Variants in RAI1 observed in about 807,000 individuals in gnomAD.
RAI1 encodes retinoic acid induced 1.
Under a neutral mutation model 123.8 loss-of-function variants are expected in RAI1, and 9 were observed. The ratio of observed to expected loss-of-function variants is 0.07; its 90% confidence interval spans 0.04 to 0.13. The LOEUF (loss-of-function observed/expected upper bound fraction) is 0.13, where lower values mean the gene tolerates loss of function less well. Ranked by LOEUF, RAI1 falls within the 10% of genes least tolerant of loss-of-function variation. RAI1 has a pLI of 1.00. For missense variants in RAI1, 2,256 were observed against 2,545.8 expected (o/e 0.89, Z 2.45); for synonymous variants, 1,231 against 1,127.3 (o/e 1.09, Z -1.84).
chr17:17,783,972 CCT>C (rs955743448), intron 2 of RAI1, among the ~76,000 whole-genome samples: 5 of 152,232 alleles, frequency 3.3e-5, no homozygotes, highest in Admixed American at 2.6e-4. Context: ...GCAATTTCCT[CCT>C]CTCTCTCTCC....
chr17:17,786,089 CGCTGGTGCTGAGAGGG>C (rs2031816760), intron 2 of RAI1, among the ~76,000 whole-genome samples: 1 of 152,150 alleles, frequency 6.6e-6, no homozygotes, highest in African/African-American at 2.4e-5. Flanking sequence ...GGCCGCAGTC[CGCTGGTGCTGAGAGGG>C]GCTGCTGCTG....
intron 4 of RAI1, among the ~76,000 whole-genome samples, chr17:17,805,688 G>A (rs1158585215): frequency 6.6e-6 from 1 of 152,208 alleles, no homozygotes; most frequent in Non-Finnish European, 1.5e-5. Context: ...CAGGGGCTGA[G>A]CTGCCGGGAC....
chr17:17,770,058 C>A (rs529668548), intron 2 of RAI1, among the ~76,000 whole-genome samples: 1 of 151,988 alleles, frequency 6.6e-6, no homozygotes, highest in South Asian at 2.1e-4. Flanking sequence ...GGCAGGGTCT[C>A]CCCTGGAACC....
chr17:17,742,550 A>G (rs1014562189), intron 2 of RAI1, among the ~76,000 whole-genome samples: 2 of 152,216 alleles, frequency 1.3e-5, no homozygotes, highest in Non-Finnish European at 2.9e-5. Context: ...AAGCTCTGGC[A>G]CTGAATTCAC....
At chr17:17,684,570 A>G (rs764882261) in intron 1 of RAI1, 2 of 151,692 alleles carry the variant, frequency 1.3e-5, no homozygotes, top group Non-Finnish European at 2.9e-5. Flanking sequence ...AGCCAGAAAT[A>G]TATGTAGTAA....
chr17:17,797,014 C>T lies in RAI1; in HGVS notation c.4066C>T (p.Pro1356Ser). Residue 1356 changes from proline to serine, a missense_variant, in exon 3 of 6, where the codon CCT (proline) becomes TCT (serine). By Grantham distance (74) the Pro-to-Ser change is moderately conservative. Around this residue, in one of 7 missense-constraint regions of RAI1, gnomAD observed 322 missense variants for 358.0 expected, o/e 0.90. Coordinates refer to ENST00000353383, the MANE Select transcript of RAI1 (RefSeq NM_030665.4). ...AGCGCCAGGGGCCTCTCCTGGTAAT[C>T]CTCTGAGCCCATCCCTTTCCGACAA... is the stretch of plus-strand genomic sequence containing the variant. The part of the protein sequence containing the change: ...CKAPGASPGN[P>S]LSPSLSDKDR... 6.2e-7 allele frequency: 1 copy of T among 1,613,898 alleles called. No homozygotes were observed. Among genetic ancestry groups the T allele is most frequent in the Non-Finnish European group, 8.5e-7 (1 of 1,180,042 alleles).
intron 2 of RAI1, among the ~76,000 whole-genome samples, chr17:17,774,779 G>T (rs2031278945): frequency 6.6e-6 from 1 of 152,244 alleles, no homozygotes; most frequent in Non-Finnish European, 1.5e-5. Context: ...CCTCTGCCCA[G>T]CATTGGTCTG....
At position 17,796,867 on chromosome 17, in the gene RAI1, C is replaced by T. The variant is rs367703186; in HGVS notation, c.3919C>T (p.Arg1307Trp). 3 of 1,613,118 alleles carry T rather than the reference C, an allele frequency of 1.9e-6. No homozygotes were observed. The highest frequency in any genetic ancestry group is 2.5e-6 in the Non-Finnish European group (3 of 1,179,912). The change falls in exon 3 of 6, where the codon CGG (arginine) becomes TGG (tryptophan). Residue 1307 changes from arginine (R) to tryptophan (W), a missense_variant. Arg to Trp is a moderately radical substitution (Grantham distance 101). Around this residue, in one of 7 missense-constraint regions of RAI1, gnomAD observed 322 missense variants for 358.0 expected, o/e 0.90. Coordinates refer to ENST00000353383, the MANE Select transcript of RAI1 (RefSeq NM_030665.4). The surrounding 1 kb of genome is among the most constrained non-coding windows in gnomAD (Gnocchi z 5.8). ...TPDACLKLAS[R>W]AAFQGAMKTK... ...CGATGCCTGCCTCAAGCTCGCCTCT[C>T]GGGCAGCCTTCCAGGGGGCCATGAA...
chr17:17,711,086 A>G (rs1468887744), intron 1 of RAI1, among the ~76,000 whole-genome samples: 1 of 152,222 alleles, frequency 6.6e-6, no homozygotes, highest in Non-Finnish European at 1.5e-5. Flanking sequence ...ATGGGAAGGC[A>G]GGGCCGCAGT....
At chr17:17,741,167 G>A (rs551939742) in intron 2 of RAI1, among the ~76,000 whole-genome samples, 12 of 152,122 alleles carry the variant, frequency 7.9e-5, no homozygotes, top group African/African-American at 2.9e-4. Flanking sequence ...ACACGTACAC[G>A]CACGCCTTTC....
rs1168766754 is a variant in RAI1 at position 17,800,873 on chromosome 17, G to C, written c.5565+2360G>C. Among the ~76,000 whole-genome samples, 3 of 152,236 alleles carry C rather than the reference G, an allele frequency of 2.0e-5. No individual in the cohort carries two copies. The highest frequency in any genetic ancestry group is 2.9e-5 in the Non-Finnish European group (2 of 68,040). ...GAGTGAGACCCTGGTTCAAATCCCA[G>C]CTCTGCCGAGGGCTGGTTCCATAGC... is the stretch of plus-strand genomic sequence containing the variant. On this transcript the variant is annotated intron_variant, in intron 3 of 5. Transcript: ENST00000353383. The surrounding 1 kb of genome is among the most constrained non-coding windows in gnomAD (Gnocchi z 4.7).
intron 1 of RAI1, among the ~76,000 whole-genome samples, chr17:17,688,336 TAGTC>T (rs1027174948): frequency 6.6e-6 from 1 of 151,720 alleles, no homozygotes; most frequent in Non-Finnish European, 1.5e-5. Context: ...ATACAAAAAT[TAGTC>T]AGGCGTAGTG....
intron 1 of RAI1, among the ~76,000 whole-genome samples, chr17:17,688,309 A>AC (rs1914709646): frequency 6.6e-6 from 1 of 151,324 alleles, no homozygotes; most frequent in South Asian, 2.1e-4. Flanking sequence ...ACATGATGAA[A>AC]CCCATCTCTA....
At chr17:17,806,661 C>A (rs1463215508) in intron 4 of RAI1, among the ~76,000 whole-genome samples, 1 of 152,250 alleles carries the variant, frequency 6.6e-6, no homozygotes. Flanking sequence ...TCTAGGGTGG[C>A]CCCAGCTGTG....
intron 2 of RAI1, among the ~76,000 whole-genome samples, chr17:17,756,870 C>T (rs2030457751): frequency 6.6e-6 from 1 of 152,240 alleles, no homozygotes; most frequent in Non-Finnish European, 1.5e-5. Context: ...CCCACCTGTT[C>T]ACTGGGGTGA....
chr17:17,783,876 C>T (rs984399807), intron 2 of RAI1, among the ~76,000 whole-genome samples: 25 of 151,834 alleles, frequency 1.6e-4, no homozygotes, highest in African/African-American at 5.8e-4. Flanking sequence ...AGACTGAATG[C>T]GCAATTAACG....
At chr17:17,764,096 C>G (rs2030817742) in intron 2 of RAI1, among the ~76,000 whole-genome samples, 1 of 152,202 alleles carries the variant, frequency 6.6e-6, no homozygotes, top group Admixed American at 6.5e-5. Context: ...CTGCCTTTGG[C>G]TGAGGAGGAC....
intron 1 of RAI1, among the ~76,000 whole-genome samples, chr17:17,719,087 C>T (rs529652899): frequency 2.0e-5 from 3 of 152,316 alleles, no homozygotes; most frequent in Non-Finnish European, 4.4e-5. Flanking sequence ...GGCCAGGCCT[C>T]ATCATTGCCC....
chr17:17,769,301 C>A (rs2031054679), intron 2 of RAI1, among the ~76,000 whole-genome samples: 1 of 152,052 alleles, frequency 6.6e-6, no homozygotes, highest in Admixed American at 6.5e-5. Context: ...ATGGGGGTGT[C>A]CCCCCAAAAG....
Sources: gnomAD v4.1 joint callset for allele counts (sites outside exome capture counted in the v4.1 genomes callset) on GRCh38, gnomAD v4.1.1 for gene constraint, gnomAD v4.1.1 regional missense constraint, Gnocchi (gnomAD v3.1) non-coding constraint, MANE v1.5 for transcripts, NCBI Gene and HGNC (gene_info 2026-07-23, HGNC 2026-07-21) for gene names.